The following PSME4 variants were observed in gnomAD, a reference collection of about 807,000 sequenced individuals.
PSME4 encodes the protein proteasome activator subunit 4.
Under a neutral mutation model 253.9 loss-of-function variants are expected in PSME4, and 89 were observed. That is an observed-to-expected ratio of 0.35 (90% CI 0.30 to 0.42). The LOEUF (loss-of-function observed/expected upper bound fraction) is 0.42, where lower values mean the gene tolerates loss of function less well. PSME4 is among the 10% of genes least tolerant of loss of function. PSME4 has a pLI of 1.00. For missense variants in PSME4, 2,014 were observed against 2,195.2 expected (o/e 0.92, Z 1.65); for synonymous variants, 851 against 759.2 (o/e 1.12, Z -1.99).
Position 53,934,634 on chromosome 2 carries a change from G to A in PSME4, c.928C>T (p.His310Tyr). ...RFLTNAYDIGHAVIWITAMMG... is the reference protein window; with the variant it reads ...RFLTNAYDIGYAVIWITAMMG... ...ATGGCGGTGATCCATATTACAGCATGTCCTATATCATAAGCATTTGTTAAA... is the reference window on the plus strand; with the variant it reads ...ATGGCGGTGATCCATATTACAGCATATCCTATATCATAAGCATTTGTTAAA... The change falls in exon 8 of 47, where the codon CAT (histidine) becomes TAT (tyrosine). Residue 310 changes from histidine (H) to tyrosine (Y), a missense_variant. Transcript: ENST00000404125. 2 of 1,612,854 alleles carry A rather than the reference G, an allele frequency of 1.2e-6. No individual in the cohort carries two copies. The highest frequency in any genetic ancestry group is 1.7e-6 in the Non-Finnish European group (2 of 1,179,122).
chr2:53,883,730 C>A (rs1188190273), intron 41 of PSME4, among the ~76,000 whole-genome samples: 13 of 151,134 alleles, frequency 8.6e-5, no homozygotes, highest in South Asian at 2.1e-4. Context: ...TGAATGTTGG[C>A]TCAATTCTTA....
chr2:53,928,915 T>C (rs1166872300), intron 10 of PSME4, among the ~76,000 whole-genome samples: 2 of 152,066 alleles, frequency 1.3e-5, no homozygotes, highest in African/African-American at 4.8e-5. Flanking sequence ...CCTGTAACAC[T>C]AGCACTTTGG....
intron 43 of PSME4, chr2:53,870,373 G>GTTTTTTTTTTTTTTTTTTTTT (rs371507997): frequency 8.6e-6 from 1 of 115,904 alleles, no homozygotes; most frequent in Non-Finnish European, 1.7e-5. Flanking sequence ...TTTTCTTTTC[G>GTTTTTTTTTTTTTTTTTTTTT]TTTTTTTTTT....
At chr2:53,963,195 A>G (rs72799277) in intron 1 of PSME4, among the ~76,000 whole-genome samples, 2,596 of 152,064 alleles carry the variant, frequency 0.017, 33 homozygotes, top group South Asian at 0.055. Flanking sequence ...GCGTGGTGGT[A>G]TATGTCTGTA....
chr2:53,928,365 A>G lies in PSME4; in HGVS notation c.1317-62T>C, dbSNP rs960994046. The stretch of plus-strand genomic sequence containing the variant: ...ACAGATATGCATAATACCATAATAC[A>G]TTAAATATAATAAATTCATAAACTG... On this transcript the variant is annotated intron_variant, in intron 10 of 46. Transcript: ENST00000404125. 24 of 1,247,090 alleles carry G rather than the reference A, an allele frequency of 1.9e-5. No homozygotes were observed. The African/African-American group carries it at 3.0e-4, about 16-fold the overall frequency. 77.3% of individuals were successfully genotyped at this position (1,247,090 alleles called of 1,614,324 possible). A position where few individuals can be genotyped will look rare whatever the true frequency, so the allele number is the denominator to read the frequency against.
At chr2:53,873,509 G>A (rs572360193) in intron 43 of PSME4, among the ~76,000 whole-genome samples, 16 of 152,124 alleles carry the variant, frequency 1.1e-4, no homozygotes, top group South Asian at 4.2e-4. Context: ...CTTCCTTAAT[G>A]CCAACTTAAA....
At chr2:53,895,106 C>T (rs149450629) in intron 33 of PSME4, 30 bp from the exon 34 acceptor site, 187 of 1,564,282 alleles carry the variant, frequency 1.2e-4, no homozygotes, top group Middle Eastern at 6.9e-4. Flanking sequence ...ATTTATCATA[C>T]GCATAGAAAA....
At chr2:53,935,897 G>GTT (rs80151181) in intron 7 of PSME4, among the ~76,000 whole-genome samples, 190 bp downstream of exon 7, 16 of 145,130 alleles carry the variant, frequency 1.1e-4, no homozygotes, top group East Asian at 6.0e-4. Flanking sequence ...TGTTCAAAAT[G>GTT]TTTTTTTTTT....
At chr2:53,906,120 A>T (rs1209320362) in intron 26 of PSME4, among the ~76,000 whole-genome samples, 1 of 152,178 alleles carries the variant, frequency 6.6e-6, no homozygotes, top group Non-Finnish European at 1.5e-5. Flanking sequence ...CTGTGCTTGC[A>T]GATAATCTCT....
At position 53,904,092 on chromosome 2, in the gene PSME4, T is replaced by C; in HGVS notation, c.3008A>G (p.Asp1003Gly). 2 of 1,613,856 alleles carry C rather than the reference T, an allele frequency of 1.2e-6. No individual in the cohort carries two copies. The highest frequency in any genetic ancestry group is 1.7e-6 in the Non-Finnish European group (2 of 1,179,844). The change falls in exon 27 of 47, where the codon GAT becomes GGT. Residue 1003 changes from aspartate (D) to glycine (G), a missense_variant. Asp to Gly is a moderately conservative substitution (Grantham distance 94, BLOSUM62 -1). This residue lies in a region of PSME4 where 989 missense variants were observed against 1,021.1 expected (regional missense o/e 0.97). Coordinates refer to ENST00000404125, the MANE Select transcript of PSME4 (RefSeq NM_014614.3). ...GAACTCCAAAACCAAGGGAATGATA[T>C]CTCTGCAACAGAAGTTATATGCTCC... The part of the protein sequence containing the change: ...ALGAYNFCCR[D>G]IIPLVLEFLR...
At chr2:53,872,485 T>C (rs1318706043) in intron 43 of PSME4, among the ~76,000 whole-genome samples, 1 of 151,996 alleles carries the variant, frequency 6.6e-6, no homozygotes, top group Non-Finnish European at 1.5e-5. Flanking sequence ...TGGAAGAAAA[T>C]ATAAAAATAA....
chr2:53,942,441 T>C (rs1287243339), intron 3 of PSME4, among the ~76,000 whole-genome samples: 2 of 152,054 alleles, frequency 1.3e-5, no homozygotes, highest in Non-Finnish European at 2.9e-5. Context: ...CCCTATTTCC[T>C]CTTTAAAAAG....
At chr2:53,956,968 G>C (rs1390541412) in intron 1 of PSME4, among the ~76,000 whole-genome samples, 2 of 152,078 alleles carry the variant, frequency 1.3e-5, no homozygotes, top group Non-Finnish European at 2.9e-5. Flanking sequence ...AATTGCAACT[G>C]ATATGTTTAA....
chr2:53,946,904 C>A (rs114547112), intron 3 of PSME4, among the ~76,000 whole-genome samples: 3,345 of 151,516 alleles, frequency 0.022, 124 homozygotes, highest in African/African-American at 0.075. Flanking sequence ...ACAGAGCAAC[C>A]CTGAAAAAGG....
At chr2:53,870,555 T>A (rs1027313219) in intron 43 of PSME4, 1 of 151,870 alleles carries the variant, frequency 6.6e-6, no homozygotes, top group African/African-American at 2.4e-5. Flanking sequence ...TTTTTGTATT[T>A]TTAGTAGAGA....
intron 19 of PSME4, 100 bp downstream of exon 19, chr2:53,920,093 A>T (rs1558683663): frequency 9.2e-7 from 1 of 1,082,030 alleles, no homozygotes; most frequent in East Asian, 2.4e-5. Flanking sequence ...GATTTTCAAA[A>T]CACAATTGAA....
At chr2:53,879,276 T>C (rs751250655) in intron 41 of PSME4, among the ~76,000 whole-genome samples, 2 of 152,176 alleles carry the variant, frequency 1.3e-5, no homozygotes, top group South Asian at 2.1e-4. Context: ...AATTCAAATA[T>C]CTATTGGATC....
chr2:53,873,070 C>T (rs893226575), intron 43 of PSME4, among the ~76,000 whole-genome samples: 1 of 151,512 alleles, frequency 6.6e-6, no homozygotes, highest in Admixed American at 6.6e-5. Context: ...GAAACCCCGT[C>T]TCTACTAAAA....
intron 20 of PSME4, among the ~76,000 whole-genome samples, chr2:53,912,438 C>T (rs1005644138): frequency 6.6e-5 from 10 of 152,118 alleles, no homozygotes; most frequent in Non-Finnish European, 1.3e-4. Flanking sequence ...ACAATAAATG[C>T]TTCTCAGCAA....
Sources: gnomAD v4.1 joint callset for allele counts (sites outside exome capture counted in the v4.1 genomes callset) on GRCh38, gnomAD v4.1.1 for gene constraint, gnomAD v4.1.1 regional missense constraint, MANE v1.5 for transcripts, NCBI Gene and HGNC (gene_info 2026-07-23, HGNC 2026-07-21) for gene names.